The following DGKB variants were observed in gnomAD, a reference collection of about 807,000 sequenced individuals.
DGKB encodes 90 kDa diacylglycerol kinase.
Under a neutral mutation model 114.3 loss-of-function variants are expected in DGKB, and 67 were observed. The ratio of observed to expected loss-of-function variants is 0.59; its 90% CI spans 0.48 to 0.72. The LOEUF (loss-of-function observed/expected upper bound fraction) is 0.72. Ranked by LOEUF, DGKB falls within the 30% of genes least tolerant of loss-of-function variation. The pLI is 0.00. For missense variants in DGKB, 907 were observed against 975.2 expected (o/e 0.93, Z 0.93); for synonymous variants, 398 against 323.1 (o/e 1.23, Z -2.49).
intron 1 of DGKB, among the ~76,000 whole-genome samples, chr7:14,886,360 C>A (rs1411496679): frequency 6.6e-6 from 1 of 151,794 alleles, no homozygotes; most frequent in Non-Finnish European, 1.5e-5. Flanking sequence ...GATACATACA[C>A]AGAAAAATCT....
At chr7:14,384,621 A>C (rs1003801725) in intron 21 of DGKB, among the ~76,000 whole-genome samples, 13 of 152,248 alleles carry the variant, frequency 8.5e-5, no homozygotes, top group African/African-American at 3.1e-4. Flanking sequence ...ACTTAATTAT[A>C]TAGCAGATTA....
intron 20 of DGKB, among the ~76,000 whole-genome samples, chr7:14,533,532 A>T (rs1345687604): frequency 6.6e-6 from 1 of 150,670 alleles, no homozygotes. Flanking sequence ...ATAGCTAAAA[A>T]CTTTCTAATT....
At chr7:14,267,849 TA>T (rs1797738622) in intron 23 of DGKB, among the ~76,000 whole-genome samples, 1 of 152,128 alleles carries the variant, frequency 6.6e-6, no homozygotes, top group South Asian at 2.1e-4. Context: ...AACTAGAACA[TA>T]GGGTAAATGG....
At chr7:14,341,546 A>G (rs1232385091) in intron 22 of DGKB, among the ~76,000 whole-genome samples, 1 of 151,916 alleles carries the variant, frequency 6.6e-6, no homozygotes, top group Non-Finnish European at 1.5e-5. Flanking sequence ...GAATATTTTT[A>G]TTAGGTAGAA....
chr7:14,611,179 C>T (rs1425927116), intron 16 of DGKB, among the ~76,000 whole-genome samples: 1 of 152,108 alleles, frequency 6.6e-6, no homozygotes. Flanking sequence ...ATAGTTATCT[C>T]CTTCTCTGAA....
intron 23 of DGKB, among the ~76,000 whole-genome samples, chr7:14,300,416 A>G (rs559430605): frequency 6.6e-6 from 1 of 152,174 alleles, no homozygotes; most frequent in Non-Finnish European, 1.5e-5. Flanking sequence ...TTAAATGGTT[A>G]ATGATATGAC....
intron 14 of DGKB, among the ~76,000 whole-genome samples, chr7:14,623,848 G>T (rs1808089188): frequency 6.6e-6 from 1 of 152,126 alleles, no homozygotes; most frequent in African/African-American, 2.4e-5. Flanking sequence ...TATTAGATGA[G>T]GTCTCGAATC....
intron 17 of DGKB, among the ~76,000 whole-genome samples, chr7:14,583,402 G>A (rs551636839): frequency 1.2e-3 from 177 of 151,672 alleles, no homozygotes; most frequent in African/African-American, 4.2e-3. Context: ...AAATTTTAAG[G>A]ATAAAATTAG....
At chr7:14,921,867 T>C (rs1784522729) in intron 1 of DGKB, among the ~76,000 whole-genome samples, 2 of 152,182 alleles carry the variant, frequency 1.3e-5, no homozygotes, top group Admixed American at 1.3e-4. Context: ...AAATCTACAT[T>C]TTAAAACAGT....
At chr7:14,675,055 T>G (rs2128953642) in intron 12 of DGKB, among the ~76,000 whole-genome samples, 1 of 152,240 alleles carries the variant, frequency 6.6e-6, no homozygotes, top group Admixed American at 6.5e-5. Context: ...GAGAAAGAGC[T>G]TTGGCTCTTT....
chr7:14,369,084 C>T (rs554562901), intron 21 of DGKB, among the ~76,000 whole-genome samples: 31 of 152,198 alleles, frequency 2.0e-4, no homozygotes, highest in South Asian at 6.2e-4. Context: ...ACCCCACCCC[C>T]GACAGACCCC....
upstream of DGKB, among the ~76,000 whole-genome samples, chr7:14,907,215 A>T (rs142161712): frequency 2.3e-4 from 35 of 152,302 alleles, 1 homozygote; most frequent in East Asian, 6.6e-3. Flanking sequence ...AGGCCTTCAG[A>T]TCTCTTTGGG....
intron 23 of DGKB, among the ~76,000 whole-genome samples, chr7:14,198,031 G>C (rs113857260): frequency 6.4e-4 from 98 of 152,114 alleles, no homozygotes; most frequent in African/African-American, 2.3e-3. Flanking sequence ...GAGTTATTCA[G>C]TGATGTTTCA....
intron 1 of DGKB, among the ~76,000 whole-genome samples, chr7:14,919,335 G>A (rs1784408482): frequency 6.6e-6 from 1 of 152,002 alleles, no homozygotes; most frequent in Non-Finnish European, 1.5e-5. Flanking sequence ...GTCAACTGAT[G>A]ATATTTGAGA....
At chr7:14,366,381 T>C (rs942569753) in intron 21 of DGKB, among the ~76,000 whole-genome samples, 2 of 152,132 alleles carry the variant, frequency 1.3e-5, no homozygotes, top group Non-Finnish European at 2.9e-5. Context: ...ATTCACAAAA[T>C]TAGAGTTGCT....
At position 14,753,945 on chromosome 7, in the gene DGKB, G is replaced by A; in HGVS notation, c.151C>T (p.Gln51Ter). The change falls in exon 4 of 26, where the codon CAA becomes TAA. Residue 51 changes from glutamine to a stop codon, truncating the protein, a stop_gained. Transcript: ENST00000402815. LOFTEE classifies it high-confidence loss of function. ...VLAKYNPEGK[Q>*]DILNQTIDFE... ...TGTCTTACTTGGTTAAGAATGTCTTGTTTCTGTGCATGCAAGGAAAGAAAG... is the reference window on the plus strand; with the variant it reads ...TGTCTTACTTGGTTAAGAATGTCTTATTTCTGTGCATGCAAGGAAAGAAAG... 6.6e-7 allele frequency: 1 copy of A among 1,518,530 alleles called. No individual in the cohort carries two copies. The highest frequency in any genetic ancestry group is 9.0e-7 in the Non-Finnish European group (1 of 1,109,968). The allele number at this position is 1,518,530 out of a possible 1,614,324, so 94.1% of individuals were successfully genotyped here.
intron 1 of DGKB, among the ~76,000 whole-genome samples, chr7:14,916,388 T>C (rs1784240853): frequency 6.6e-6 from 1 of 151,926 alleles, no homozygotes; most frequent in Non-Finnish European, 1.5e-5. Flanking sequence ...TCTAAATACA[T>C]ACAATAAAAA....
intron 1 of DGKB, among the ~76,000 whole-genome samples, chr7:14,921,711 C>T (rs913507115): frequency 6.6e-6 from 1 of 152,270 alleles, no homozygotes; most frequent in South Asian, 2.1e-4. Context: ...ATTGAGAAAA[C>T]TTGGGCTAAT....
chr7:14,253,433 C>G (rs1019837872), intron 23 of DGKB, among the ~76,000 whole-genome samples: 4 of 152,148 alleles, frequency 2.6e-5, no homozygotes, highest in Admixed American at 1.3e-4. Context: ...ATGTGATCTC[C>G]TCTACATCTC....
Sources: allele counts gnomAD v4.1 joint callset (sites outside exome capture counted in the v4.1 genomes callset), GRCh38; gene constraint gnomAD v4.1.1; transcripts MANE v1.5; gene names NCBI Gene and HGNC (gene_info 2026-07-23, HGNC 2026-07-21).